PDE4D: variants seen among roughly 807,000 people sequenced by gnomAD.
PDE4D encodes 3',5'-cyclic-AMP phosphodiesterase 4D.
Under a neutral mutation model 87.4 loss-of-function variants are expected in PDE4D, and 24 were observed. The ratio of observed to expected loss-of-function variants is 0.27; its 90% CI spans 0.20 to 0.39. The LOEUF (loss-of-function observed/expected upper bound fraction) is 0.39. Ranked by LOEUF, PDE4D falls within the 10% of genes least tolerant of loss-of-function variation. PDE4D has a pLI of 1.00. For synonymous variants in PDE4D, 384 were observed against 383.2 expected, an observed-to-expected ratio of 1.00 and a Z score of -0.02; for missense variants, 714 against 1,041.0, an observed-to-expected ratio of 0.69 and a Z score of 4.32.
intron 1 of PDE4D, among the ~76,000 whole-genome samples, chr5:59,467,422 C>T (rs1801745415): frequency 6.6e-6 from 1 of 152,122 alleles, no homozygotes; most frequent in Admixed American, 6.6e-5. Flanking sequence ...TGAGATAAGA[C>T]TAGTAAATGG....
chr5:60,486,274 A>C (rs578086421), intron 1 of PDE4D, among the ~76,000 whole-genome samples: 1 of 152,328 alleles, frequency 6.6e-6, no homozygotes, highest in African/African-American at 2.4e-5. Context: ...ATAGCTAAGA[A>C]TGAGCCAACC....
chr5:59,290,799 C>G (rs536798165), intron 1 of PDE4D, among the ~76,000 whole-genome samples: 83 of 152,130 alleles, frequency 5.5e-4, no homozygotes, highest in African/African-American at 1.9e-3. Context: ...CAAAAGAAGA[C>G]ATAAAAATGG....
chr5:60,237,320 T>C (rs1296794091), intron 1 of PDE4D, among the ~76,000 whole-genome samples: 2 of 152,060 alleles, frequency 1.3e-5, no homozygotes, highest in Admixed American at 6.6e-5. Context: ...GCAAAACTTA[T>C]ATGCAGTTGT....
At chr5:60,012,012 A>G (rs1765063864) in intron 2 of PDE4D, among the ~76,000 whole-genome samples, 1 of 152,170 alleles carries the variant, frequency 6.6e-6, no homozygotes, top group African/African-American at 2.4e-5. Flanking sequence ...CATCACTATC[A>G]CAGTGGTGCA....
At chr5:60,080,507 G>A (rs953367063) in intron 2 of PDE4D, among the ~76,000 whole-genome samples, 2 of 152,086 alleles carry the variant, frequency 1.3e-5, no homozygotes, top group African/African-American at 4.8e-5. Context: ...ATATGACATT[G>A]GCTGTGGGTT....
intron 5 of PDE4D, among the ~76,000 whole-genome samples, chr5:59,173,485 A>AATGAG (rs1783339599): frequency 1.3e-5 from 2 of 152,244 alleles, no homozygotes; most frequent in Admixed American, 1.3e-4. Context: ...TTTTACCGGA[A>AATGAG]GATTCTTTTT....
chr5:59,788,678 GT>G (rs1392711471), intron 1 of PDE4D, among the ~76,000 whole-genome samples: 1 of 152,232 alleles, frequency 6.6e-6, no homozygotes, highest in South Asian at 2.1e-4. Context: ...ATGTGTTCCT[GT>G]GGGACACATT....
chr5:59,622,021 G>A (rs1415885919), intron 1 of PDE4D, among the ~76,000 whole-genome samples: 2 of 152,016 alleles, frequency 1.3e-5, no homozygotes, highest in African/African-American at 4.8e-5. Flanking sequence ...TACAAGTATT[G>A]CCTCTTTTTA....
intron 2 of PDE4D, among the ~76,000 whole-genome samples, chr5:60,172,609 GA>G (rs1783566932): frequency 6.6e-6 from 1 of 152,084 alleles, no homozygotes; most frequent in Admixed American, 6.6e-5. Context: ...TGTGATTACA[GA>G]AAGTTTAAAG....
rs530742885 is a variant in PDE4D at position 58,973,684 on chromosome 5, A to G, written c.*980T>C. On this transcript the variant is annotated 3_prime_UTR_variant, in exon 15 of 15. Coordinates refer to ENST00000340635, the MANE Select transcript of PDE4D (RefSeq NM_001104631.2). ...AAGACACATTTGATATAACACACATAAAAGTATTATAGAACAAATAGTCAC... is the reference window on the plus strand; with the variant it reads ...AAGACACATTTGATATAACACACATGAAAGTATTATAGAACAAATAGTCAC... 1.3e-5 allele frequency: 2 copies of G among 152,778 alleles called. No homozygotes were observed. Among genetic ancestry groups the G allele is most frequent in the Non-Finnish European group, 2.9e-5 (2 of 68,028 alleles). 9.5% of individuals were successfully genotyped at this position (152,778 alleles called of 1,614,324 possible).
chr5:59,988,216 T>C (rs1762636281), intron 3 of PDE4D: 1 of 330,718 alleles, frequency 3.0e-6, no homozygotes, highest in African/African-American at 2.1e-5. Context: ...ATGGCCAATA[T>C]TAATTTTCCA....
intron 3 of PDE4D, among the ~76,000 whole-genome samples, chr5:59,899,037 T>C (rs2152760952): frequency 6.6e-6 from 1 of 152,334 alleles, no homozygotes; most frequent in East Asian, 1.9e-4. Context: ...GGGGTAAGGA[T>C]TGATTCAGAT....
intron 2 of PDE4D, among the ~76,000 whole-genome samples, chr5:60,117,217 T>C (rs1405819932): frequency 6.6e-6 from 1 of 152,042 alleles, no homozygotes; most frequent in Non-Finnish European, 1.5e-5. Flanking sequence ...AAAGGAATGG[T>C]TCTAGTAACA....
intron 1 of PDE4D, among the ~76,000 whole-genome samples, chr5:60,215,298 A>G (rs1299589542): frequency 6.6e-6 from 1 of 152,200 alleles, no homozygotes; most frequent in Non-Finnish European, 1.5e-5. Flanking sequence ...ATTAGGCTGA[A>G]CAGATAAAAA....
intron 3 of PDE4D, among the ~76,000 whole-genome samples, chr5:59,933,837 G>A (rs1320194036): frequency 1.3e-5 from 2 of 150,988 alleles, no homozygotes; most frequent in Admixed American, 1.3e-4. Flanking sequence ...CATTTTATGG[G>A]GCTGCCATTA....
intron 3 of PDE4D, among the ~76,000 whole-genome samples, chr5:59,947,771 G>A (rs1285225625): frequency 6.6e-6 from 1 of 152,236 alleles, no homozygotes; most frequent in Non-Finnish European, 1.5e-5. Flanking sequence ...CACTTTGGGA[G>A]GCCGAGGCAG....
At chr5:59,771,441 G>GAA (rs1561636643) in intron 1 of PDE4D, among the ~76,000 whole-genome samples, 1 of 83,998 alleles carries the variant, frequency 1.2e-5, no homozygotes, top group African/African-American at 5.5e-5. Context: ...GAAAAAGAAA[G>GAA]AAAGAAAGAA....
intron 1 of PDE4D, among the ~76,000 whole-genome samples, chr5:59,533,814 G>T (rs1030217532): frequency 2.0e-5 from 3 of 152,156 alleles, no homozygotes; most frequent in Non-Finnish European, 4.4e-5. Flanking sequence ...ATGATCATTA[G>T]TGGATGCCCT....
intron 1 of PDE4D, among the ~76,000 whole-genome samples, chr5:59,876,868 T>C (rs1748677923): frequency 6.6e-6 from 1 of 152,068 alleles, no homozygotes; most frequent in Non-Finnish European, 1.5e-5. Context: ...TGCATACTTA[T>C]CCTAATACTA....
Sources: gnomAD v4.1 joint callset for allele counts (sites outside exome capture counted in the v4.1 genomes callset) on GRCh38, gnomAD v4.1.1 for gene constraint, MANE v1.5 for transcripts, NCBI Gene and HGNC (gene_info 2026-07-23, HGNC 2026-07-21) for gene names.